ZDHHC20: variants seen among roughly 807,000 people sequenced by gnomAD.
The protein encoded by ZDHHC20 is palmitoyltransferase ZDHHC20.
Under a neutral mutation model 57.8 loss-of-function variants are expected in ZDHHC20, and 43 were observed. The observed-to-expected ratio is 0.74, with a 90% confidence interval of 0.58 to 0.96. The LOEUF (loss-of-function observed/expected upper bound fraction) is 0.96, where lower values mean the gene tolerates loss of function less well. Ranked by LOEUF, ZDHHC20 falls within the 40% of genes least tolerant of loss-of-function variation. ZDHHC20 has a pLI of 0.00. For synonymous variants in ZDHHC20, 157 were observed against 153.0 expected, an observed-to-expected ratio of 1.03 and a Z score of -0.19; for missense variants, 391 against 441.1, an observed-to-expected ratio of 0.89 and a Z score of 1.02.
intron 4 of ZDHHC20, 143 bp from the exon 5 acceptor site, chr13:21,403,009 A>G (rs1413563391): frequency 5.3e-5 from 33 of 627,758 alleles, no homozygotes. Context: ...ACCAAAATGT[A>G]TTATACTAGA....
At chr13:21,457,401 TATC>T (rs904138526) in intron 1 of ZDHHC20, among the ~76,000 whole-genome samples, 3 of 152,134 alleles carry the variant, frequency 2.0e-5, no homozygotes, top group Non-Finnish European at 2.9e-5. Context: ...ATAAAGGAGG[TATC>T]ATCATAAGTT....
In ZDHHC20 at chr13:21,459,195, C is replaced by T. The variant is rs753682092; in HGVS notation, c.-24G>A. ...ATGTTCCGCTGGCGGCTGCCGAGCC[C>T]CGCGTCCCACCGTTCTGGGGAGCGC... On this transcript the variant is annotated 5_prime_UTR_variant, in exon 1 of 13. Coordinates refer to ENST00000400590, the MANE Select transcript of ZDHHC20 (RefSeq NM_001330059.2). The T allele has an allele frequency of 3.8e-6, 6 of 1,577,522 alleles. No homozygotes were observed. The Admixed American group carries it at 1.1e-4, about 28-fold the overall frequency.
intron 7 of ZDHHC20, among the ~76,000 whole-genome samples, chr13:21,398,479 G>C (rs1458217091): frequency 6.7e-6 from 1 of 149,562 alleles, no homozygotes; most frequent in African/African-American, 2.5e-5. Flanking sequence ...AAAAAAAAAG[G>C]AAAGAAACAT....
chr13:21,458,285 A>C (rs1885081737), intron 1 of ZDHHC20, among the ~76,000 whole-genome samples: 1 of 152,238 alleles, frequency 6.6e-6, no homozygotes, highest in Non-Finnish European at 1.5e-5. Flanking sequence ...TTTTGTGCTA[A>C]GAACTTATCA....
Position 21,425,646 on chromosome 13 carries a change from C to T in ZDHHC20, c.145+6G>A, listed in dbSNP as rs774002088. On this transcript the variant is annotated splice_donor_region_variant and intron_variant, in intron 2 of 12. Coordinates refer to ENST00000400590, the MANE Select transcript of ZDHHC20 (RefSeq NM_001330059.2). ...TTAACTTAAATTGAAACTAAAAGTG[C>T]CTTACCATTTTCTTCATTTCCAAAA... 3 of 1,190,292 alleles carry T rather than the reference C, an allele frequency of 2.5e-6. No individual in the cohort carries two copies. Among genetic ancestry groups the T allele is most frequent in the Non-Finnish European group, 3.4e-6 (3 of 886,424 alleles). 73.7% of individuals were successfully genotyped at this position (1,190,292 alleles called of 1,614,324 possible). A position where few individuals can be genotyped will look rare whatever the true frequency, so the allele number is the denominator to read the frequency against.
At chr13:21,432,117 T>A (rs1052218921) in intron 1 of ZDHHC20, among the ~76,000 whole-genome samples, 3 of 152,152 alleles carry the variant, frequency 2.0e-5, no homozygotes, top group African/African-American at 7.2e-5. Context: ...TATCATTTCA[T>A]ATTTTTTATT....
Position 21,374,609 on chromosome 13 carries a change from G to T in ZDHHC20, c.*2087C>A, listed in dbSNP as rs543563561. ...CTAAGGAGTTGAAACAAAGGTAGAAGAATCCATACTATAATATCCCAAATT... is the reference window on the plus strand; with the variant it reads ...CTAAGGAGTTGAAACAAAGGTAGAATAATCCATACTATAATATCCCAAATT... On this transcript the variant is annotated 3_prime_UTR_variant, in exon 13 of 13. Coordinates refer to ENST00000400590, the MANE Select transcript of ZDHHC20 (RefSeq NM_001330059.2). 6 of 275,160 alleles carry T rather than the reference G, an allele frequency of 2.2e-5. No homozygotes were observed. The highest frequency in any genetic ancestry group is 4.0e-5 in the Admixed American group (1 of 24,824). 17.0% of individuals were successfully genotyped at this position (275,160 alleles called of 1,614,324 possible).
chr13:21,434,175 A>T lies in ZDHHC20; in HGVS notation c.119-8497T>A, dbSNP rs115490903. Among the ~76,000 whole-genome samples the T allele has an allele frequency of 4.5e-3, 683 of 152,296 alleles. 2 individuals carry two copies. The highest frequency in any genetic ancestry group is 0.015 in the African/African-American group (643 of 41,560). On this transcript the variant is annotated intron_variant, in intron 1 of 12. Coordinates refer to ENST00000400590, the MANE Select transcript of ZDHHC20 (RefSeq NM_001330059.2). Reference sequence around the variant, plus strand: ...TTAAATACCTGATAAGTTGATACCGATATTTCCAATTAAAATTAAAGTCTA... The same window carrying T: ...TTAAATACCTGATAAGTTGATACCGTTATTTCCAATTAAAATTAAAGTCTA...
chr13:21,389,453 G>A (rs760417794), intron 8 of ZDHHC20, among the ~76,000 whole-genome samples: 1 of 152,172 alleles, frequency 6.6e-6, no homozygotes, highest in Non-Finnish European at 1.5e-5. Flanking sequence ...ACTGCATATA[G>A]TAGAGATTAA....
chr13:21,378,768 CAAAAAAA>C lies in ZDHHC20; in HGVS notation c.1061-37_1061-31del, dbSNP rs751093398. 8.8e-3 allele frequency: 6,063 copies of C among 688,818 alleles called. 32 individuals carry two copies. Among genetic ancestry groups the C allele is most frequent in the Non-Finnish European group, 0.01 (5,273 of 512,156 alleles). 42.7% of individuals were successfully genotyped at this position (688,818 alleles called of 1,614,324 possible). On this transcript the variant is annotated intron_variant, in intron 11 of 12. Coordinates refer to ENST00000400590, the MANE Select transcript of ZDHHC20 (RefSeq NM_001330059.2). ...AAGCATATAATTATATATGACATGACAAAAAAAAAAAAAAAAAGAAGTATTAAGTTTC... is the reference window on the plus strand; with the variant it reads ...AAGCATATAATTATATATGACATGACAAAAAAAAAAGAAGTATTAAGTTTC...
intron 8 of ZDHHC20, chr13:21,390,165 G>A (rs1163118637): frequency 2.0e-5 from 3 of 152,112 alleles, no homozygotes; most frequent in African/African-American, 7.2e-5. Flanking sequence ...TAATTTTTCT[G>A]TAATTAAAAA....
At chr13:21,393,077 A>G (rs1200266368) in intron 7 of ZDHHC20, among the ~76,000 whole-genome samples, 1 of 152,218 alleles carries the variant, frequency 6.6e-6, no homozygotes, top group Non-Finnish European at 1.5e-5. Context: ...TCCTGTTGAA[A>G]GAACACTAAG....
chr13:21,422,437 C>T (rs1455573181), intron 2 of ZDHHC20, among the ~76,000 whole-genome samples: 1 of 152,070 alleles, frequency 6.6e-6, no homozygotes, highest in Non-Finnish European at 1.5e-5. Context: ...TAATTGACAA[C>T]CCTGTTGCAA....
chr13:21,431,069 TATG>T (rs1451114167), intron 1 of ZDHHC20, among the ~76,000 whole-genome samples: 2 of 152,190 alleles, frequency 1.3e-5, no homozygotes, highest in Non-Finnish European at 2.9e-5. Flanking sequence ...TTTTGTCTAT[TATG>T]ATTACTCGTG....
At chr13:21,389,725 T>C (rs1308865221) in intron 8 of ZDHHC20, among the ~76,000 whole-genome samples, 1 of 152,166 alleles carries the variant, frequency 6.6e-6, no homozygotes, top group African/African-American at 2.4e-5. Flanking sequence ...TCTAAATCCA[T>C]GCCCTATCTT....
intron 1 of ZDHHC20, among the ~76,000 whole-genome samples, chr13:21,458,373 A>G (rs914126198): frequency 6.6e-6 from 1 of 152,212 alleles, no homozygotes; most frequent in Admixed American, 6.5e-5. Context: ...ATCAGCCAAG[A>G]AAAAAATAAT....
Position 21,459,166 on chromosome 13 carries a change from C to A in ZDHHC20, c.6G>T (p.Ala2=), listed in dbSNP as rs906977513. 6.3e-7 allele frequency: 1 copy of A among 1,598,288 alleles called. No homozygotes were observed. Among genetic ancestry groups the A allele is most frequent in the Admixed American group, 1.7e-5 (1 of 58,658 alleles). The change falls in exon 1 of 13, where the codon GCG becomes GCT. Residue 2 remains alanine, a synonymous_variant. Transcript: ENST00000400590. Reference sequence around the variant, plus strand: ...GGCAGCAGCGCCACAGCGTCCAGGGCGCCATGTTCCGCTGGCGGCTGCCGA... The same window carrying A: ...GGCAGCAGCGCCACAGCGTCCAGGGAGCCATGTTCCGCTGGCGGCTGCCGA... M[A]PWTLWRCCQR...
At chr13:21,451,447 A>G (rs1380191710) in intron 1 of ZDHHC20, among the ~76,000 whole-genome samples, 1 of 152,240 alleles carries the variant, frequency 6.6e-6, no homozygotes. Flanking sequence ...TAAGTCTTGT[A>G]AGCAGGATTA....
In ZDHHC20 at chr13:21,373,488, G is replaced by T. The variant is rs550080858; in HGVS notation, c.*3208C>A. On this transcript the variant is annotated 3_prime_UTR_variant, in exon 13 of 13. Transcript: ENST00000400590. ...AAAGTTTTAAAAAAATCATCCTTAC[G>T]TATAGATGAAAATAAACTTTGTAAA... 1 of 152,234 alleles carries T rather than the reference G, an allele frequency of 6.6e-6. No homozygotes were observed. The highest frequency in any genetic ancestry group is 2.4e-5 in the African/African-American group (1 of 41,540). The allele number at this position is 152,234 out of a possible 1,614,324, so 9.4% of individuals were successfully genotyped here.
Sources: gnomAD v4.1 joint callset for allele counts (sites outside exome capture counted in the v4.1 genomes callset) on GRCh38, gnomAD v4.1.1 for gene constraint, MANE v1.5 for transcripts, NCBI Gene and HGNC (gene_info 2026-07-23, HGNC 2026-07-21) for gene names.